The following PDE10A variants were observed in gnomAD, a reference collection of about 807,000 sequenced individuals.
PDE10A encodes the protein cAMP and cAMP-inhibited cGMP 3',5'-cyclic phosphodiesterase 10A.
In PDE10A, 39 loss-of-function variants were observed where a neutral mutation model predicts 97.7. That is an observed-to-expected ratio of 0.40 (90% confidence interval 0.31 to 0.52). The LOEUF is 0.52. PDE10A is among the 20% of genes least tolerant of loss of function. The pLI is 0.56. For synonymous variants in PDE10A, 371 were observed against 376.8 expected (o/e 0.98, Z 0.18); for missense variants, 731 against 1,047.8 (o/e 0.70, Z 4.17).
intron 1 of PDE10A, among the ~76,000 whole-genome samples, chr6:165,628,764 G>C (rs776314821): frequency 1.1e-4 from 16 of 152,156 alleles, no homozygotes; most frequent in Non-Finnish European, 2.4e-4. Context: ...AATTTTTAAA[G>C]TGTAGTGCTT....
chr6:165,551,103 T>C (rs1783993075), intron 1 of PDE10A, among the ~76,000 whole-genome samples: 1 of 152,188 alleles, frequency 6.6e-6, no homozygotes, highest in African/African-American at 2.4e-5. Context: ...TCATCAGCAA[T>C]GTTCTTATTA....
intron 1 of PDE10A, among the ~76,000 whole-genome samples, chr6:165,758,569 A>AGAAGAG (rs1562721733): frequency 3.3e-5 from 5 of 150,916 alleles, no homozygotes; most frequent in African/African-American, 9.8e-5. Flanking sequence ...AAGAGGAAGA[A>AGAAGAG]GAAGAGGAAG....
At chr6:165,359,613 G>A (rs547966235) in intron 18 of PDE10A, among the ~76,000 whole-genome samples, 1 of 152,042 alleles carries the variant, frequency 6.6e-6, no homozygotes, top group South Asian at 2.1e-4. Context: ...AACATATTTA[G>A]AGTCACTGAT....
chr6:165,974,681 T>C (rs1343056130), intron 1 of PDE10A, among the ~76,000 whole-genome samples: 1 of 152,230 alleles, frequency 6.6e-6, no homozygotes, highest in Non-Finnish European at 1.5e-5. Flanking sequence ...TACATCTCAT[T>C]GGTACCTTCT....
At chr6:165,902,869 GT>G (rs2128484586) in intron 1 of PDE10A, among the ~76,000 whole-genome samples, 1 of 152,344 alleles carries the variant, frequency 6.6e-6, no homozygotes, top group South Asian at 2.1e-4. Flanking sequence ...AAGGTCCTGG[GT>G]ACGTGAAGGA....
intron 2 of PDE10A, among the ~76,000 whole-genome samples, chr6:165,500,334 A>G (rs572956664): frequency 6.6e-6 from 1 of 152,318 alleles, no homozygotes; most frequent in Non-Finnish European, 1.5e-5. Flanking sequence ...AAAGAAGTAG[A>G]CATAAGAGAC....
chr6:165,448,583 G>A (rs1386055943), intron 5 of PDE10A, among the ~76,000 whole-genome samples: 1 of 152,142 alleles, frequency 6.6e-6, no homozygotes, highest in Non-Finnish European at 1.5e-5. Context: ...TGTAGATCAT[G>A]TGTAGAGAGG....
Position 165,338,167 on chromosome 6 carries a change from G to A in PDE10A, c.2976+1111C>T, listed in dbSNP as rs75290592. On this transcript the variant is annotated intron_variant, in intron 20 of 21. Transcript: ENST00000539869. ...AGTGACCATGCCATCAGAAAACCTA[G>A]CCAGGGACATAAGTGGAGGCAATGG... is the stretch of plus-strand genomic sequence containing the variant. 5.3e-5 allele frequency among the ~76,000 whole-genome samples: 8 copies of A among 152,326 alleles called. No homozygotes were observed. In the East Asian group the frequency reaches 1.5e-3, roughly 29 times the overall value.
intron 1 of PDE10A, among the ~76,000 whole-genome samples, chr6:165,942,493 G>A (rs1783561071): frequency 6.6e-6 from 1 of 152,106 alleles, no homozygotes; most frequent in Non-Finnish European, 1.5e-5. Flanking sequence ...TGTGTTCGGT[G>A]TGTGCTCACC....
intron 1 of PDE10A, among the ~76,000 whole-genome samples, chr6:165,709,107 C>T (rs1413949171): frequency 7.5e-6 from 1 of 132,506 alleles, no homozygotes; most frequent in African/African-American, 2.9e-5. Context: ...CTGCCGTGCT[C>T]TCCCCACACT....
intron 1 of PDE10A, among the ~76,000 whole-genome samples, chr6:165,546,823 T>C (rs1783766068): frequency 6.6e-6 from 1 of 152,176 alleles, no homozygotes; most frequent in East Asian, 1.9e-4. Flanking sequence ...TGTATGACAA[T>C]ACAAATAAAA....
rs775208021 is a variant in PDE10A at position 165,857,698 on chromosome 6, CGTGTGT to C, written c.-615+129825_-615+129830del. On this transcript the variant is annotated intron_variant, in intron 1 of 19. Coordinates refer to the PDE10A transcript ENST00000366882. ...CTTTGCAATGTGATTTCAACAGTTC[CGTGTGT>C]GTGTGTGTGTGTGTGTGTGTGTGTG... is the stretch of plus-strand genomic sequence containing the variant. 5.2e-3 allele frequency among the ~76,000 whole-genome samples: 644 copies of C among 123,526 alleles called. 5 individuals are homozygous for C. Among genetic ancestry groups the C allele is most frequent in the African/African-American group, 0.017 (600 of 34,462 alleles). The allele number at this position is 123,526 out of a possible 152,430, so 81.0% of individuals were successfully genotyped here.
In PDE10A at chr6:165,855,309, G is replaced by GT. The variant is rs1462319656; in HGVS notation, c.-615+132219_-615+132220insA. 2.8e-5 allele frequency among the ~76,000 whole-genome samples: 4 copies of GT among 142,826 alleles called. No individual in the cohort carries two copies. In the South Asian group the frequency reaches 6.6e-4, roughly 24 times the overall value. 93.7% of individuals were successfully genotyped at this position (142,826 alleles called of 152,430 possible). ...CATAGGCGGCGCGGGAAGTGGCGGG[G>GT]GGGGGGGGGGACTCAGGGGCGCTGC... is the stretch of plus-strand genomic sequence containing the variant. On this transcript the variant is annotated intron_variant, in intron 1 of 19. Coordinates refer to the PDE10A transcript ENST00000366882.
intron 1 of PDE10A, among the ~76,000 whole-genome samples, chr6:165,826,380 GTCCTCA>G (rs1779748805): frequency 7.6e-6 from 1 of 131,232 alleles, no homozygotes; most frequent in African/African-American, 2.6e-5. Context: ...GCATCCCTCT[GTCCTCA>G]TGTCCCTCGT....
intron 1 of PDE10A, among the ~76,000 whole-genome samples, chr6:165,707,934 C>A (rs1289235360): frequency 1.3e-5 from 2 of 152,124 alleles, no homozygotes; most frequent in African/African-American, 4.8e-5. Context: ...AGAGAAGATT[C>A]CCCTGTGCTG....
chr6:165,939,122 G>A (rs1172205190), intron 1 of PDE10A, among the ~76,000 whole-genome samples: 1 of 152,168 alleles, frequency 6.6e-6, no homozygotes, highest in Admixed American at 6.5e-5. Context: ...TATTGATTAA[G>A]CCAAGATACA....
intron 1 of PDE10A, among the ~76,000 whole-genome samples, chr6:165,568,038 G>T (rs1047665400): frequency 8.4e-6 from 1 of 119,662 alleles, no homozygotes; most frequent in African/African-American, 3.1e-5. Flanking sequence ...TCGCTCTGTC[G>T]CCCAGGCTGG....
chr6:165,738,391 T>C (rs573101788), intron 1 of PDE10A, among the ~76,000 whole-genome samples: 220 of 150,736 alleles, frequency 1.5e-3, no homozygotes, highest in Admixed American at 3.6e-3. Context: ...ATGTGCCACA[T>C]TTTCTTAATC....
In PDE10A at chr6:165,388,349, G is replaced by A; in HGVS notation, c.2559C>T (p.Ser853=). 1.2e-6 allele frequency: 2 copies of A among 1,614,150 alleles called. No individual in the cohort carries two copies. Among genetic ancestry groups the A allele is most frequent in the Non-Finnish European group, 1.7e-6 (2 of 1,179,998 alleles). Residue 853 remains serine, a synonymous_variant, in exon 17 of 22, where the codon TCC becomes TCT. Coordinates refer to ENST00000539869, the MANE Select transcript of PDE10A (RefSeq NM_001385079.1). The surrounding 1 kb of genome is among the most constrained non-coding windows in gnomAD (Gnocchi z 4.0). ...KFDHPLAALY[S]TSTMEQHHFS... ...AGTGGTGCTGCTCCATGGTGGAAGT[G>A]GAGTAGAGAGCGGCCAGAGGGTGGT...
Sources: gnomAD v4.1 joint callset for allele counts (sites outside exome capture counted in the v4.1 genomes callset) on GRCh38, gnomAD v4.1.1 for gene constraint, Gnocchi (gnomAD v3.1) non-coding constraint, MANE v1.5 for transcripts, NCBI Gene and HGNC (gene_info 2026-07-23, HGNC 2026-07-21) for gene names.